Variants in LDB2 observed in about 807,000 individuals in gnomAD.
LDB2 encodes the protein LIM domain binding 2, also known as LIM domain-binding protein 2.
Under a neutral mutation model 44.3 loss-of-function variants are expected in LDB2, and 12 were observed. The ratio of observed to expected loss-of-function variants is 0.27; its 90% CI spans 0.17 to 0.44. The LOEUF (loss-of-function observed/expected upper bound fraction) is 0.44, where lower values mean the gene tolerates loss of function less well. Among genes scored for constraint, LDB2 ranks in the 20% least tolerant of loss-of-function variants. The probability of loss-of-function intolerance (pLI) is 1.00; values close to 1 mark genes in which losing one functional copy is unlikely to be tolerated. For missense variants in LDB2, 344 were observed against 473.5 expected (o/e 0.73, Z 2.54); for synonymous variants, 164 against 174.8 (o/e 0.94, Z 0.49).
At chr4:16,762,835 G>A (rs371262341) in intron 1 of LDB2, among the ~76,000 whole-genome samples, 22 of 152,246 alleles carry the variant, frequency 1.4e-4, no homozygotes, top group East Asian at 7.7e-4. Context: ...TGAGGTCACC[G>A]GGAGAAAAGA....
chr4:16,689,475 G>A (rs2152584344), intron 2 of LDB2, among the ~76,000 whole-genome samples: 1 of 152,298 alleles, frequency 6.6e-6, no homozygotes, highest in African/African-American at 2.4e-5. Context: ...ATATTTAACA[G>A]CCTGTGAGCT....
intron 1 of LDB2, among the ~76,000 whole-genome samples, chr4:16,808,983 T>C (rs1464071095): frequency 6.6e-6 from 1 of 152,188 alleles, no homozygotes; most frequent in South Asian, 2.1e-4. Context: ...CTGTTTTAAG[T>C]TCTTACCAAA....
At chr4:16,523,799 T>C (rs1727193112) in intron 5 of LDB2, among the ~76,000 whole-genome samples, 1 of 152,222 alleles carries the variant, frequency 6.6e-6, no homozygotes, top group African/African-American at 2.4e-5. Context: ...ATTTGAAACT[T>C]ATGAATAGTT....
intron 2 of LDB2, among the ~76,000 whole-genome samples, chr4:16,675,662 TG>T: frequency 6.6e-6 from 1 of 152,280 alleles, no homozygotes; most frequent in Non-Finnish European, 1.5e-5. Context: ...ATGTTGGCCT[TG>T]ATCCCAAAGT....
At chr4:16,581,451 A>G in intron 5 of LDB2, 4 of 985,196 alleles carry the variant, frequency 4.1e-6, no homozygotes, top group South Asian at 4.7e-5. Context: ...TTTGAATTAT[A>G]TCACTCAGCC....
intron 2 of LDB2, among the ~76,000 whole-genome samples, chr4:16,698,664 C>A (rs1035399592): frequency 6.6e-6 from 1 of 151,864 alleles, no homozygotes; most frequent in Non-Finnish European, 1.5e-5. Context: ...TTTTATAATT[C>A]ACATTACAGA....
chr4:16,602,323 C>T lies in LDB2; in HGVS notation c.236-6448G>A, dbSNP rs115085357. Among the ~76,000 whole-genome samples, 906 of 152,178 alleles carry T rather than the reference C, an allele frequency of 6.0e-3. 12 individuals carry two copies. Among genetic ancestry groups the T allele is most frequent in the African/African-American group, 0.021 (857 of 41,518 alleles). The stretch of plus-strand genomic sequence containing the variant: ...TGAGTCCCAATTGAACAAAGCCGTG[C>T]GAAGATCTGGAATTAAAGAGGTCCA... On this transcript the variant is annotated intron_variant, in intron 2 of 7. Transcript: ENST00000304523.
At chr4:16,696,577 C>T (rs1752178917) in intron 2 of LDB2, among the ~76,000 whole-genome samples, 1 of 152,094 alleles carries the variant, frequency 6.6e-6, no homozygotes, top group African/African-American at 2.4e-5. Context: ...ACATTTGAAC[C>T]CACCATCATG....
intron 2 of LDB2, among the ~76,000 whole-genome samples, chr4:16,652,632 C>G (rs1481931341): frequency 6.6e-6 from 1 of 152,162 alleles, no homozygotes. Flanking sequence ...CATCGGGTAC[C>G]ACTTTAGGAG....
intron 5 of LDB2, among the ~76,000 whole-genome samples, chr4:16,556,739 G>T (rs1739758687): frequency 6.6e-6 from 1 of 152,160 alleles, no homozygotes; most frequent in African/African-American, 2.4e-5. Flanking sequence ...TATAACAACA[G>T]AAAACATGGT....
intron 1 of LDB2, among the ~76,000 whole-genome samples, chr4:16,772,579 T>C (rs951725182): frequency 1.3e-5 from 2 of 152,216 alleles, no homozygotes; most frequent in African/African-American, 4.8e-5. Flanking sequence ...AATAAATATA[T>C]GCTGTGAATT....
At chr4:16,789,471 G>A (rs894769114) in intron 1 of LDB2, among the ~76,000 whole-genome samples, 2 of 152,176 alleles carry the variant, frequency 1.3e-5, no homozygotes, top group Non-Finnish European at 2.9e-5. Flanking sequence ...CCAATGTAAC[G>A]AGTAAAGTGA....
At chr4:16,735,381 A>T (rs562770315) in intron 2 of LDB2, among the ~76,000 whole-genome samples, 80 of 152,196 alleles carry the variant, frequency 5.3e-4, no homozygotes, top group Non-Finnish European at 1.0e-3. Context: ...ATCAATGACT[A>T]TATAAATAAA....
intron 1 of LDB2, among the ~76,000 whole-genome samples, chr4:16,831,514 C>T (rs564460119): frequency 1.3e-5 from 2 of 152,168 alleles, no homozygotes; most frequent in South Asian, 2.1e-4. Flanking sequence ...TGGGACAGAA[C>T]GTGGTGGCTT....
At chr4:16,891,301 ATTCTTTTTTTTT>A (rs1723301502) in intron 1 of LDB2, among the ~76,000 whole-genome samples, 1 of 117,340 alleles carries the variant, frequency 8.5e-6, no homozygotes, top group Admixed American at 8.8e-5. Flanking sequence ...AATCTTAAGT[ATTCTTTTTTTTT>A]TTTTTTTTTT....
At chr4:16,860,283 C>T (rs1053430122) in intron 1 of LDB2, among the ~76,000 whole-genome samples, 2 of 152,158 alleles carry the variant, frequency 1.3e-5, no homozygotes, top group Non-Finnish European at 2.9e-5. Context: ...AAGAAATGCA[C>T]CATAAATGCA....
chr4:16,841,979 G>A (rs1191988441), intron 1 of LDB2, among the ~76,000 whole-genome samples: 1 of 152,124 alleles, frequency 6.6e-6, no homozygotes, highest in Admixed American at 6.5e-5. Flanking sequence ...GACCCTCATG[G>A]AATTTATACA....
At position 16,598,674 on chromosome 4, in the gene LDB2, T is replaced by C. The variant is rs531635045; in HGVS notation, c.236-2799A>G. ...AGTTAGTCAAATAAGAATCCTTCCC[T>C]GAAAGAAAGAGGGAAGTTTTGCCAG... On this transcript the variant is annotated intron_variant, in intron 2 of 7. Transcript: ENST00000304523. Among the ~76,000 whole-genome samples, 7 of 152,182 alleles carry C rather than the reference T, an allele frequency of 4.6e-5. No individual in the cohort carries two copies. The East Asian group carries it at 1.2e-3, about 25-fold the overall frequency.
At chr4:16,550,656 C>T (rs2152347099) in intron 5 of LDB2, among the ~76,000 whole-genome samples, 1 of 152,268 alleles carries the variant, frequency 6.6e-6, no homozygotes, top group African/African-American at 2.4e-5. Context: ...GATGAGGACC[C>T]ACATGTGCTT....
Sources: allele counts gnomAD v4.1 joint callset (sites outside exome capture counted in the v4.1 genomes callset), GRCh38; gene constraint gnomAD v4.1.1; transcripts MANE v1.5; gene names NCBI Gene and HGNC (gene_info 2026-07-23, HGNC 2026-07-21).